The following GPRIN2 variants were observed in gnomAD, a reference collection of about 807,000 sequenced individuals.
GPRIN2 encodes the protein G protein regulated inducer of neurite outgrowth 2, also known as G protein-regulated inducer of neurite outgrowth 2.
In GPRIN2, 1 loss-of-function variant was observed where a neutral mutation model predicts 0.3. The ratio of observed to expected loss-of-function variants is 3.90; its 90% CI spans 1.39 to 18.51. The LOEUF is 18.51. Ranked by LOEUF, GPRIN2 falls within the 30% of genes most tolerant of loss-of-function variation. The pLI is 0.11. For synonymous variants in GPRIN2, 361 were observed against 258.6 expected (o/e 1.40, Z -3.80); for missense variants, 880 against 604.2 (o/e 1.46, Z -4.79).
At chr10:46,551,398 G>A (rs1832194258) in intron 2 of GPRIN2, 33 of 985,102 alleles carry the variant, frequency 3.3e-5, no homozygotes, top group Non-Finnish European at 4.0e-5. Context: ...CATGTCTCTG[G>A]GGTTCCCTGA....
At position 46,549,530 on chromosome 10, in the gene GPRIN2, G is replaced by C. The variant is rs1209000483; in HGVS notation, c.1207C>G (p.Leu403Val). 6.2e-7 allele frequency: 1 copy of C among 1,612,994 alleles called. No homozygotes were observed. Among genetic ancestry groups the C allele is most frequent in the African/African-American group, 1.3e-5 (1 of 75,062 alleles). The change falls in exon 3 of 3, where the codon CTC (leucine) becomes GTC (valine). Residue 403 changes from leucine (L) to valine (V), a missense_variant. Transcript: ENST00000374314. Reference sequence around the variant, plus strand: ...AGGTGCTTCTGGATGGCCACACCGAGCACCTCCAGGTCCACCGCAGCTCCG... The same window carrying C: ...AGGTGCTTCTGGATGGCCACACCGACCACCTCCAGGTCCACCGCAGCTCCG... ...VYGAAVDLEVLGVAIQKHLEM... is the reference protein window; with the variant it reads ...VYGAAVDLEVVGVAIQKHLEM...
rs1832653293 is a variant in GPRIN2 at position 46,549,617 on chromosome 10, C to T, written c.1120G>A (p.Glu374Lys). Reference sequence around the variant, plus strand: ...ACATCCCGCACAGGGGACGGCACCTCCTCCAGGCTGGACCCCAGAGTTACC... The same window carrying T: ...ACATCCCGCACAGGGGACGGCACCTTCTCCAGGCTGGACCCCAGAGTTACC... ...PEVTLGSSLE[E>K]VPSPVRDVRW... The change falls in exon 3 of 3, where the codon GAG becomes AAG. Residue 374 changes from glutamate (E) to lysine (K), a missense_variant. Transcript: ENST00000374314. 10 of 1,614,142 alleles carry T rather than the reference C, an allele frequency of 6.2e-6. No homozygotes were observed. Among genetic ancestry groups the T allele is most frequent in the African/African-American group, 4.0e-5 (3 of 74,966 alleles).
At chr10:46,554,416 G>A (rs1370977221) in intron 2 of GPRIN2, among the ~76,000 whole-genome samples, 169 bp downstream of exon 2, 1 of 152,310 alleles carries the variant, frequency 6.6e-6, no homozygotes, top group Admixed American at 6.5e-5. Flanking sequence ...ATGCATACAA[G>A]TCTAGAGTCT....
In GPRIN2 at chr10:46,542,497, C is replaced by T. The variant is rs1841836300; in HGVS notation, c.*6863G>A. Among the ~76,000 whole-genome samples the T allele has an allele frequency of 6.6e-6, 1 of 152,312 alleles. No homozygotes were observed. The highest frequency in any genetic ancestry group is 1.9e-4 in the East Asian group (1 of 5,208). On this transcript the variant is annotated 3_prime_UTR_variant, in exon 3 of 3. Coordinates refer to ENST00000374314, the MANE Select transcript of GPRIN2 (RefSeq NM_001385282.1). ...GGTAGTTCCTTCTGCATTCATTTTC[C>T]TTCCTGCTGCCTTGTGAAGAAGGTG...
rs1842120487 is a variant in GPRIN2 at position 46,545,954 on chromosome 10, C to T, written c.*3406G>A. Among the ~76,000 whole-genome samples, 1 of 152,312 alleles carries T rather than the reference C, an allele frequency of 6.6e-6. No homozygotes were observed. Among genetic ancestry groups the T allele is most frequent in the Admixed American group, 6.5e-5 (1 of 15,294 alleles). ...ATCCAGATTCAAACTCCAGCTTTAGCCCACTAAGCTACGGTGGCCAACCCC... is the reference window on the plus strand; with the variant it reads ...ATCCAGATTCAAACTCCAGCTTTAGTCCACTAAGCTACGGTGGCCAACCCC... On this transcript the variant is annotated 3_prime_UTR_variant, in exon 3 of 3. Coordinates refer to ENST00000374314, the MANE Select transcript of GPRIN2 (RefSeq NM_001385282.1).
rs2131616761 is a variant in GPRIN2, at chr10:46,544,985, T to A, written c.*4375A>T. ...TGGATGAAAACTGATAAAGGACTTG[T>A]CATAGCTTCAGATGGCAAAACCAGG... is the stretch of plus-strand genomic sequence containing the variant. On this transcript the variant is annotated 3_prime_UTR_variant, in exon 3 of 3. Coordinates refer to ENST00000374314, the MANE Select transcript of GPRIN2 (RefSeq NM_001385282.1). 6.6e-6 allele frequency among the ~76,000 whole-genome samples: 1 copy of A among 152,394 alleles called. No homozygotes were observed. The highest frequency in any genetic ancestry group is 2.1e-4 in the South Asian group (1 of 4,832).
Position 46,550,462 on chromosome 10 carries a change from C to T in GPRIN2, c.275G>A (p.Ser92Asn), listed in dbSNP as rs1842495564. 1.2e-6 allele frequency: 2 copies of T among 1,611,734 alleles called. No homozygotes were observed. The highest frequency in any genetic ancestry group is 1.7e-6 in the Non-Finnish European group (2 of 1,179,542). The change falls in exon 3 of 3, where the codon AGC becomes AAC. Residue 92 changes from serine (S) to asparagine (N), a missense_variant. Physicochemically the swap from Ser to Asn is conservative, Grantham distance 46. Transcript: ENST00000374314. ...ARPSAGGHWW[S>N]STVGNVSTMG... ...GGTGGACACATTGCCCACAGTGCTG[C>T]TCCACCAGTGGCCTCCAGCACTGGG...
Position 46,548,904 on chromosome 10 carries a change from T to G in GPRIN2, c.*456A>C, listed in dbSNP as rs1842404591. The G allele has an allele frequency of 5.6e-6, 1 of 178,248 alleles. No homozygotes were observed. Among genetic ancestry groups the G allele is most frequent in the African/African-American group, 2.4e-5 (1 of 42,460 alleles). 11.0% of individuals were successfully genotyped at this position (178,248 alleles called of 1,614,324 possible). ...GGCACACAGGAGGCCTCTGATAACATCAGTCCCCTTCCCTAAAGACCTGGG... is the reference window on the plus strand; with the variant it reads ...GGCACACAGGAGGCCTCTGATAACAGCAGTCCCCTTCCCTAAAGACCTGGG... On this transcript the variant is annotated 3_prime_UTR_variant, in exon 3 of 3. Coordinates refer to ENST00000374314, the MANE Select transcript of GPRIN2 (RefSeq NM_001385282.1).
intron 2 of GPRIN2, among the ~76,000 whole-genome samples, chr10:46,552,037 C>G (rs1842672560): frequency 6.6e-6 from 1 of 152,312 alleles, no homozygotes; most frequent in South Asian, 2.1e-4. Flanking sequence ...AAGAACACAC[C>G]CACAGAGGAG....
rs1841849670 is a variant in GPRIN2 at position 46,542,683 on chromosome 10, G to C, written c.*6677C>G. Among the ~76,000 whole-genome samples the C allele has an allele frequency of 1.3e-5, 2 of 152,304 alleles. No homozygotes were observed. The highest frequency in any genetic ancestry group is 4.8e-5 in the African/African-American group (2 of 41,484). On this transcript the variant is annotated 3_prime_UTR_variant, in exon 3 of 3. Coordinates refer to ENST00000374314, the MANE Select transcript of GPRIN2 (RefSeq NM_001385282.1). ...AGTTCTTTATAGCAGCATGAAAATG[G>C]ACTAATATGGAGGGGTCAAAGACAG...
At position 46,546,350 on chromosome 10, in the gene GPRIN2, G is replaced by T. The variant is rs1408303120; in HGVS notation, c.*3010C>A. On this transcript the variant is annotated 3_prime_UTR_variant, in exon 3 of 3. Coordinates refer to ENST00000374314, the MANE Select transcript of GPRIN2 (RefSeq NM_001385282.1). ...CAGGGAGCCCCTGGAGCAGACAGAG[G>T]GGGGATTCCTGCTGAGGCAAGGGGC... is the stretch of plus-strand genomic sequence containing the variant. Among the ~76,000 whole-genome samples, 1 of 152,304 alleles carries T rather than the reference G, an allele frequency of 6.6e-6. No homozygotes were observed. The highest frequency in any genetic ancestry group is 1.5e-5 in the Non-Finnish European group (1 of 68,058).
At position 46,549,179 on chromosome 10, in the gene GPRIN2, G is replaced by A. The variant is rs1832764221; in HGVS notation, c.*181C>T. On this transcript the variant is annotated 3_prime_UTR_variant, in exon 3 of 3. Coordinates refer to ENST00000374314, the MANE Select transcript of GPRIN2 (RefSeq NM_001385282.1). ...TGGAAATCAAGCCCTTAAGAAAACA[G>A]CCCAGCTGTGTAGGGCCGGAAGCCC... The A allele has an allele frequency of 7.4e-4, 580 of 781,180 alleles. No individual in the cohort carries two copies. The Admixed American group carries it at 0.019, about 26-fold the overall frequency. The allele number at this position is 781,180 out of a possible 1,614,324, so 48.4% of individuals were successfully genotyped here.
rs1832411371 is a variant in GPRIN2, at chr10:46,550,317, A to G, written c.420T>C (p.Ser140=). The G allele has an allele frequency of 3.1e-6, 5 of 1,613,274 alleles. No homozygotes were observed. The East Asian group carries it at 1.1e-4, about 36-fold the overall frequency. ...TGCTGCCAAGGGCTGAGCAGCTGAG[A>G]CTGGCCTTCCGAGCACCACTGTGTC... is the stretch of plus-strand genomic sequence containing the variant. ...MRGHSGARKA[S]LSCSALGSSP... is the part of the protein sequence containing the mutation. Residue 140 remains serine, a synonymous_variant, in exon 3 of 3, where the codon AGT becomes AGC. Coordinates refer to ENST00000374314, the MANE Select transcript of GPRIN2 (RefSeq NM_001385282.1).
At position 46,550,694 on chromosome 10, in the gene GPRIN2, TCAGGGGTGCC is replaced by T. The variant is rs1388946848; in HGVS notation, c.33_42del (p.Trp11Ter). On this transcript the variant is annotated frameshift_variant, in exon 3 of 3. Coordinates refer to ENST00000374314, the MANE Select transcript of GPRIN2 (RefSeq NM_001385282.1). LOFTEE classifies it low-confidence loss of function (END_TRUNC). ...TGGGACAGGGGCTGAAGGCGGGGGC[TCAGGGGTGCC>T]CAGGGACCCGGCTCGGGGCGGCTGG... 1 of 1,508,144 alleles carries T rather than the reference TCAGGGGTGCC, an allele frequency of 6.6e-7. No homozygotes were observed. Among genetic ancestry groups the T allele is most frequent in the Non-Finnish European group, 8.8e-7 (1 of 1,130,700 alleles). The allele number at this position is 1,508,144 out of a possible 1,614,324, so 93.4% of individuals were successfully genotyped here.
chr10:46,546,898 A>C lies in GPRIN2; in HGVS notation c.*2462T>G, dbSNP rs1015119718. Among the ~76,000 whole-genome samples, 1 of 152,312 alleles carries C rather than the reference A, an allele frequency of 6.6e-6. No individual in the cohort carries two copies. Among genetic ancestry groups the C allele is most frequent in the African/African-American group, 2.4e-5 (1 of 41,488 alleles). On this transcript the variant is annotated 3_prime_UTR_variant, in exon 3 of 3. Transcript: ENST00000374314. Reference sequence around the variant, plus strand: ...GCAAATACTCATCTCAGTGACGATGAGGTGAGTGGGAGCTTGGCTGAGCCC... The same window carrying C: ...GCAAATACTCATCTCAGTGACGATGCGGTGAGTGGGAGCTTGGCTGAGCCC...
upstream of GPRIN2, among the ~76,000 whole-genome samples, chr10:46,556,837 T>C (rs1417505492): frequency 1.3e-5 from 2 of 152,180 alleles, no homozygotes; most frequent in African/African-American, 2.4e-5. Flanking sequence ...GTCCCCACTG[T>C]CCTCGGTCTT....
Position 46,542,245 on chromosome 10 carries a change from G to T in GPRIN2, c.*7115C>A, listed in dbSNP as rs1833072655. On this transcript the variant is annotated 3_prime_UTR_variant, in exon 3 of 3. Transcript: ENST00000374314. Reference sequence around the variant, plus strand: ...GAGGGGAGAATTCTACCCCTCCCAGGGTTCCAGCCCCAACAGAGGCTCCCT... The same window carrying T: ...GAGGGGAGAATTCTACCCCTCCCAGTGTTCCAGCCCCAACAGAGGCTCCCT... Among the ~76,000 whole-genome samples the T allele has an allele frequency of 9.0e-4, 137 of 152,306 alleles. No homozygotes were observed. The highest frequency in any genetic ancestry group is 2.5e-3 in the East Asian group (13 of 5,182).
chr10:46,554,820 C>T (rs1842992625), intron 1 of GPRIN2, 125 bp from the exon 2 acceptor site: 1 of 153,996 alleles, frequency 6.5e-6, no homozygotes, highest in African/African-American at 2.4e-5. Flanking sequence ...GAGTCCAGCT[C>T]CCGCCATGCT....
Position 46,543,578 on chromosome 10 carries a change from G to T in GPRIN2, c.*5782C>A, listed in dbSNP as rs1841909061. 1.3e-5 allele frequency among the ~76,000 whole-genome samples: 2 copies of T among 152,308 alleles called. No homozygotes were observed. Among genetic ancestry groups the T allele is most frequent in the East Asian group, 1.9e-4 (1 of 5,208 alleles). ...CACTCTGTCTTTTCTCAGGAAAGCT[G>T]CAGGGAAATGAAAAGCTCCAGGCAG... On this transcript the variant is annotated 3_prime_UTR_variant, in exon 3 of 3. Transcript: ENST00000374314.
Sources: gnomAD v4.1 joint callset for allele counts (sites outside exome capture counted in the v4.1 genomes callset) on GRCh38, gnomAD v4.1.1 for gene constraint, MANE v1.5 for transcripts, NCBI Gene and HGNC (gene_info 2026-07-23, HGNC 2026-07-21) for gene names.